PDS5B: variants seen among roughly 807,000 people sequenced by gnomAD.
PDS5B encodes PDS5 cohesin associated factor B.
Under a neutral mutation model 184.1 loss-of-function variants are expected in PDS5B, and 51 were observed. The ratio of observed to expected loss-of-function variants is 0.28; its 90% confidence interval spans 0.22 to 0.35. The LOEUF (loss-of-function observed/expected upper bound fraction) is 0.35. Among genes scored for constraint, PDS5B ranks in the 10% least tolerant of loss-of-function variants. PDS5B has a pLI of 1.00. For synonymous variants in PDS5B, 566 were observed against 569.2 expected (o/e 0.99, Z 0.08); for missense variants, 1,180 against 1,723.3 (o/e 0.68, Z 5.58).
chr13:32,776,150 A>T lies in PDS5B; in HGVS notation c.*1098A>T, dbSNP rs1483855296. On this transcript the variant is annotated 3_prime_UTR_variant, in exon 35 of 35. Coordinates refer to ENST00000315596, the MANE Select transcript of PDS5B (RefSeq NM_015032.4). ...AGTGAGTTGCATGTTTTTGAAAAAAAGTGCTGAAAATGGGATGTGCTGTTT... is the reference window on the plus strand; with the variant it reads ...AGTGAGTTGCATGTTTTTGAAAAAATGTGCTGAAAATGGGATGTGCTGTTT... 1.3e-5 allele frequency: 2 copies of T among 153,128 alleles called. No homozygotes were observed. Among genetic ancestry groups the T allele is most frequent in the Non-Finnish European group, 2.9e-5 (2 of 68,450 alleles). 9.5% of individuals were successfully genotyped at this position (153,128 alleles called of 1,614,324 possible). A position where few individuals can be genotyped will look rare whatever the true frequency, so the allele number is the denominator to read the frequency against.
intron 19 of PDS5B, among the ~76,000 whole-genome samples, chr13:32,725,154 ATT>A (rs1192803873): frequency 6.6e-6 from 1 of 152,154 alleles, no homozygotes; most frequent in African/African-American, 2.4e-5. Flanking sequence ...CCAGTGTTAT[ATT>A]TGTTTAGGAA....
intron 1 of PDS5B, among the ~76,000 whole-genome samples, chr13:32,613,562 C>A (rs2058173608): frequency 6.6e-6 from 1 of 152,096 alleles, no homozygotes; most frequent in Admixed American, 6.5e-5. Context: ...TATTCATATC[C>A]TTTGCCCATT....
At chr13:32,647,880 A>G (rs2140650677) in intron 1 of PDS5B, among the ~76,000 whole-genome samples, 1 of 152,226 alleles carries the variant, frequency 6.6e-6, no homozygotes. Context: ...TGTTCTAGAA[A>G]CATCATAGTG....
At chr13:32,654,757 C>A (rs1425474897) in intron 3 of PDS5B, among the ~76,000 whole-genome samples, 1 of 152,106 alleles carries the variant, frequency 6.6e-6, no homozygotes, top group Non-Finnish European at 1.5e-5. Context: ...ATGTTTAGCT[C>A]CTGGTGATAA....
At position 32,732,124 on chromosome 13, in the gene PDS5B, A is replaced by G. The variant is rs569961723; in HGVS notation, c.2147A>G (p.His716Arg). 10 of 1,609,970 alleles carry G rather than the reference A, an allele frequency of 6.2e-6. No individual in the cohort carries two copies. In the South Asian group the frequency reaches 9.9e-5, roughly 16 times the overall value. Reference sequence around the variant, plus strand: ...AGAGCCTTGCTTCCTGTTTTACATCACAAATCTAAAAAAGGACCCCCCCGT... The same window carrying G: ...AGAGCCTTGCTTCCTGTTTTACATCGCAAATCTAAAAAAGGACCCCCCCGT... ...IRSALLPVLHHKSKKGPPRQA... is the reference protein window; with the variant it reads ...IRSALLPVLHRKSKKGPPRQA... Residue 716 changes from histidine to arginine, a missense_variant, in exon 20 of 35, where the codon CAC becomes CGC. Physicochemically the swap from His to Arg is conservative, Grantham distance 29. Transcript: ENST00000315596.
intron 1 of PDS5B, among the ~76,000 whole-genome samples, chr13:32,630,948 A>T (rs373439018): frequency 1.3e-5 from 2 of 151,358 alleles, no homozygotes; most frequent in African/African-American, 4.8e-5. Context: ...CCATGGCCGG[A>T]TAATTTTTGT....
At chr13:32,686,797 A>G (rs2140822144) in intron 11 of PDS5B, among the ~76,000 whole-genome samples, 1 of 66,190 alleles carries the variant, frequency 1.5e-5, no homozygotes, top group Non-Finnish European at 2.9e-5. Flanking sequence ...TGCATGAACA[A>G]AAATTTTGGT....
intron 19 of PDS5B, among the ~76,000 whole-genome samples, chr13:32,720,549 T>A (rs1952634924): frequency 2.0e-5 from 3 of 152,190 alleles, no homozygotes; most frequent in Admixed American, 2.0e-4. Context: ...TATATGGTAG[T>A]CTCTTAAGAT....
At chr13:32,620,781 C>G (rs538819458) in intron 1 of PDS5B, among the ~76,000 whole-genome samples, 2 of 151,866 alleles carry the variant, frequency 1.3e-5, no homozygotes, top group South Asian at 4.2e-4. Flanking sequence ...TAACCTTTGT[C>G]AGGTAAAGCT....
intron 19 of PDS5B, 26 bp from the exon 20 acceptor site, chr13:32,732,075 G>A: frequency 6.4e-7 from 1 of 1,573,088 alleles, no homozygotes; most frequent in South Asian, 1.2e-5. Flanking sequence ...CTGGTTTATT[G>A]TTTTTCTTTG....
At chr13:32,696,995 G>T in intron 15 of PDS5B, 93 bp downstream of exon 15, 2 of 700,634 alleles carry the variant, frequency 2.9e-6, no homozygotes, top group Non-Finnish European at 2.4e-6. Flanking sequence ...TATAGGCTAT[G>T]ATAATATAGG....
At chr13:32,739,300 T>C (rs1398332257) in intron 21 of PDS5B, among the ~76,000 whole-genome samples, 1 of 152,160 alleles carries the variant, frequency 6.6e-6, no homozygotes, top group Non-Finnish European at 1.5e-5. Context: ...ATGTCTCCTA[T>C]AGAGCCTCTG....
intron 13 of PDS5B, among the ~76,000 whole-genome samples, chr13:32,692,414 CCTTTTTTTTTTT>C (rs1254108394): frequency 1.9e-4 from 13 of 69,152 alleles, no homozygotes; most frequent in Admixed American, 3.9e-4. Context: ...GTCCAAAAAG[CCTTTTTTTTTTT>C]TTTTTTTTTT....
At chr13:32,771,880 GATT>G (rs1954799952) in intron 33 of PDS5B, among the ~76,000 whole-genome samples, 1 of 151,388 alleles carries the variant, frequency 6.6e-6, no homozygotes, top group Non-Finnish European at 1.5e-5. Context: ...GGGTTTAAAT[GATT>G]ATTGTGCTCT....
intron 15 of PDS5B, among the ~76,000 whole-genome samples, chr13:32,698,161 G>T (rs967684119): frequency 1.3e-5 from 2 of 151,864 alleles, no homozygotes; most frequent in African/African-American, 4.8e-5. Flanking sequence ...AGAAAAAGGG[G>T]TTTCATTGTC....
rs768156047 is a variant in PDS5B at position 32,770,730 on chromosome 13, A to G, written c.4141A>G (p.Thr1381Ala). The change falls in exon 33 of 35, where the codon ACG becomes GCG. Residue 1381 changes from threonine (T) to alanine (A), a missense_variant. This residue lies in a region of PDS5B where 465 missense variants were observed against 497.8 expected (regional missense o/e 0.93). Coordinates refer to ENST00000315596, the MANE Select transcript of PDS5B (RefSeq NM_015032.4). ...PQKGRGRPSK[T>A]PSPSQPKKNV... ...GAAAGGACGAGGAAGACCATCAAAA[A>G]CGCCATCACCATCACAACCAAAAAA... is the stretch of plus-strand genomic sequence containing the variant. 6.2e-7 allele frequency: 1 copy of G among 1,609,560 alleles called. No individual in the cohort carries two copies. Among genetic ancestry groups the G allele is most frequent in the Non-Finnish European group, 8.5e-7 (1 of 1,177,802 alleles).
intron 3 of PDS5B, among the ~76,000 whole-genome samples, chr13:32,654,536 T>A (rs77429677): frequency 0.07 from 10,651 of 152,088 alleles, 1,121 homozygotes; most frequent in African/African-American, 0.23. Flanking sequence ...CCTTTTTTTT[T>A]AAAAAATTGT....
chr13:32,630,870 C>T (rs914332062), intron 1 of PDS5B, among the ~76,000 whole-genome samples: 3 of 151,694 alleles, frequency 2.0e-5, no homozygotes, highest in Non-Finnish European at 4.4e-5. Context: ...CTGTAACCTC[C>T]GCCTCCTGGA....
In PDS5B at chr13:32,742,691, A is replaced by G. The variant is rs1229074397; in HGVS notation, c.2576A>G (p.His859Arg). 1.2e-6 allele frequency: 2 copies of G among 1,612,126 alleles called. No homozygotes were observed. Among genetic ancestry groups the G allele is most frequent in the Non-Finnish European group, 1.7e-6 (2 of 1,178,590 alleles). ...TTAAGATTGCTAACAACAATATTGCATAGTGATGGAGACTTGACAGAACAG... is the reference window on the plus strand; with the variant it reads ...TTAAGATTGCTAACAACAATATTGCGTAGTGATGGAGACTTGACAGAACAG... The part of the protein sequence containing the change: ...STLRLLTTIL[H>R]SDGDLTEQGK... Residue 859 changes from histidine (H) to arginine (R), a missense_variant, in exon 23 of 35, where the codon CAT (histidine) becomes CGT (arginine). Physicochemically the swap from His to Arg is conservative, Grantham distance 29 (BLOSUM62 0). This residue lies in a region of PDS5B where 475 missense variants were observed against 691.5 expected (regional missense o/e 0.69). Coordinates refer to ENST00000315596, the MANE Select transcript of PDS5B (RefSeq NM_015032.4).
Sources: gnomAD v4.1 joint callset for allele counts (sites outside exome capture counted in the v4.1 genomes callset) on GRCh38, gnomAD v4.1.1 for gene constraint, gnomAD v4.1.1 regional missense constraint, MANE v1.5 for transcripts, NCBI Gene and HGNC (gene_info 2026-07-23, HGNC 2026-07-21) for gene names.